AXIN2: variants seen among roughly 807,000 people sequenced by gnomAD.
The protein encoded by AXIN2 is axin 2.
A neutral mutation model predicts 74.7 loss-of-function variants in AXIN2; 21 were observed. The ratio of observed to expected loss-of-function variants is 0.28; its 90% CI spans 0.20 to 0.40. AXIN2 has a LOEUF of 0.40. Among genes scored for constraint, AXIN2 ranks in the 10% least tolerant of loss-of-function variants. The probability of loss-of-function intolerance (pLI) is 1.00; values close to 1 mark genes in which losing one functional copy is unlikely to be tolerated. For missense variants in AXIN2, 1,144 were observed against 1,111.1 expected (o/e 1.03, Z -0.42); for synonymous variants, 532 against 454.9 (o/e 1.17, Z -2.16).
intron 5 of AXIN2, 111 bp from the exon 6 acceptor site, chr17:65,537,946 G>C (rs1464261472): frequency 1.4e-6 from 2 of 1,422,730 alleles, no homozygotes; most frequent in African/African-American, 2.8e-5. Context: ...CCGTGTGCAC[G>C]CCCACAGCCA....
chr17:65,544,799 A>G (rs928952494), intron 3 of AXIN2, among the ~76,000 whole-genome samples: 3 of 152,138 alleles, frequency 2.0e-5, no homozygotes, highest in African/African-American at 7.2e-5. Flanking sequence ...GAGCCGAGCC[A>G]ATTAGCTTAG....
intron 2 of AXIN2, among the ~76,000 whole-genome samples, chr17:65,551,309 AAAAGGGAAAG>A (rs2044190175): frequency 3.0e-3 from 1 of 334 alleles, no homozygotes; most frequent in South Asian, 0.17. Flanking sequence ...GTAAAGGGAA[AAAAGGGAAAG>A]GTAGCGAAAA....
chr17:65,555,589 C>T lies in AXIN2; in HGVS notation c.815+2217G>A, dbSNP rs190176893. ...TTGCGGCGGTTCAAAACGTTTCTCT[C>T]TACAAAAGGCTTTCATGTTTATTAT... On this transcript the variant is annotated intron_variant, in intron 2 of 10. Coordinates refer to ENST00000307078, the MANE Select transcript of AXIN2 (RefSeq NM_004655.4). 2.4e-3 allele frequency among the ~76,000 whole-genome samples: 373 copies of T among 152,262 alleles called. 2 individuals are homozygous for T. The highest frequency in any genetic ancestry group is 8.8e-3 in the African/African-American group (365 of 41,532).
At position 65,534,024 on chromosome 17, in the gene AXIN2, C is replaced by A; in HGVS notation, c.2293G>T (p.Val765Phe). ...TCCCCACAGAAAAAGTAAGTGACAA[C>A]CAACTCACTGGCCTGGAGCGCGTGG... ...GVHALQASEL[V>F]VTYFFCGEEI... is the part of the protein sequence containing the mutation. The change falls in exon 10 of 11, where the codon GTT (valine) becomes TTT (phenylalanine). Residue 765 changes from valine to phenylalanine, a missense_variant. This residue lies in a region of AXIN2 where 1,053 missense variants were observed against 973.5 expected (regional missense o/e 1.08). Transcript: ENST00000307078. 6.2e-7 allele frequency: 1 copy of A among 1,614,236 alleles called. No individual in the cohort carries two copies. Among genetic ancestry groups the A allele is most frequent in the Non-Finnish European group, 8.5e-7 (1 of 1,180,036 alleles).
chr17:65,538,098 A>ACGCGCATGCGCATGCAC, intron 5 of AXIN2, 105 bp downstream of exon 5: 1 of 1,565,726 alleles, frequency 6.4e-7, no homozygotes, highest in Non-Finnish European at 8.7e-7. Flanking sequence ...TGCGCATGCA[A>ACGCGCATGCGCATGCAC]CCCACGCACA....
At chr17:65,546,140 G>A (rs2044115446) in intron 3 of AXIN2, among the ~76,000 whole-genome samples, 1 of 149,232 alleles carries the variant, frequency 6.7e-6, no homozygotes, top group Non-Finnish European at 1.5e-5. Flanking sequence ...TGGCCATTGT[G>A]ACGGGAGAAA....
At chr17:65,555,254 G>A (rs1281093385) in intron 2 of AXIN2, among the ~76,000 whole-genome samples, 1 of 152,146 alleles carries the variant, frequency 6.6e-6, no homozygotes, top group Non-Finnish European at 1.5e-5. Context: ...CAGCAGCACT[G>A]ACGTTTCTGT....
rs1209692513 is a variant in AXIN2 at position 65,535,560 on chromosome 17, G to A, written c.2237+66C>T. On this transcript the variant is annotated intron_variant, in intron 9 of 10. Coordinates refer to ENST00000307078, the MANE Select transcript of AXIN2 (RefSeq NM_004655.4). ...AAAGTTTCATGAAAATGAAACTCCA[G>A]ATAGCGAATATTCTGAAACATAAAG... is the stretch of plus-strand genomic sequence containing the variant. 4.3e-5 allele frequency: 64 copies of A among 1,492,674 alleles called. No individual in the cohort carries two copies. In the Admixed American group the frequency reaches 9.3e-4, roughly 22 times the overall value. The allele number at this position is 1,492,674 out of a possible 1,614,324, so 92.5% of individuals were successfully genotyped here.
In AXIN2 at chr17:65,549,508, C is replaced by G. The variant is rs2144537170; in HGVS notation, c.956+12G>C. 1 of 1,612,352 alleles carries G rather than the reference C, an allele frequency of 6.2e-7. No individual in the cohort carries two copies. The highest frequency in any genetic ancestry group is 8.5e-7 in the Non-Finnish European group (1 of 1,179,370). On this transcript the variant is annotated intron_variant, in intron 3 of 10. Coordinates refer to ENST00000307078, the MANE Select transcript of AXIN2 (RefSeq NM_004655.4). Reference sequence around the variant, plus strand: ...CCAAGCAAGCCCACGGAAGGGTGGCCAGGATACTCACACACTGCTGTCCGT... The same window carrying G: ...CCAAGCAAGCCCACGGAAGGGTGGCGAGGATACTCACACACTGCTGTCCGT...
Position 65,558,102 on chromosome 17 carries a change from C to T in AXIN2, c.519G>A (p.Gln173=). The stretch of plus-strand genomic sequence containing the variant: ...TCACCGACTGGATCTCGGTCTGCGC[C>T]TGGTCAAACATGATGGAATCAATCT... ...KQQIDSIMFD[Q]AQTEIQSVME... The change falls in exon 2 of 11, where the codon CAG becomes CAA. Residue 173 remains glutamine, a synonymous_variant. Coordinates refer to ENST00000307078, the MANE Select transcript of AXIN2 (RefSeq NM_004655.4). The T allele has an allele frequency of 6.2e-7, 1 of 1,614,114 alleles. No individual in the cohort carries two copies. The highest frequency in any genetic ancestry group is 8.5e-7 in the Non-Finnish European group (1 of 1,180,034).
rs753824435 is a variant in AXIN2 at position 65,537,062 on chromosome 17, C to T, written c.1714G>A (p.Gly572Ser). 5.9e-5 allele frequency: 94 copies of T among 1,603,018 alleles called. No homozygotes were observed. Among genetic ancestry groups the T allele is most frequent in the Non-Finnish European group, 7.1e-5 (84 of 1,178,946 alleles). Residue 572 changes from glycine (G) to serine (S), a missense_variant and splice_region_variant, in exon 7 of 11, where the codon GGC becomes AGC. This residue lies in a region of AXIN2 where 1,053 missense variants were observed against 973.5 expected (regional missense o/e 1.08). Coordinates refer to ENST00000307078, the MANE Select transcript of AXIN2 (RefSeq NM_004655.4). The part of the protein sequence containing the change: ...PETMPSEQFG[G>S]SRGSTLPKRN... ...TTGGGCAAGGTACTGCCTCTGCTGC[C>T]GCTGTGGGGAACCAAGAACCACACC...
Position 65,558,000 on chromosome 17 carries a change from T to G in AXIN2, c.621A>C (p.Thr207=), listed in dbSNP as rs758210481. The change falls in exon 2 of 11, where the codon ACA becomes ACC. Residue 207 remains threonine, a synonymous_variant. Coordinates refer to ENST00000307078, the MANE Select transcript of AXIN2 (RefSeq NM_004655.4). ...CGAGTCCCCCATTACTCATGTAAGC[T>G]GTGTTTTCTCCCCCACTCCTCACAT... is the stretch of plus-strand genomic sequence containing the variant. ...LEYVRSGGEN[T]AYMSNGGLGS... is the part of the protein sequence containing the mutation. 6.2e-7 allele frequency: 1 copy of G among 1,614,194 alleles called. No individual in the cohort carries two copies. Among genetic ancestry groups the G allele is most frequent in the South Asian group, 1.1e-5 (1 of 91,086 alleles).
At chr17:65,549,018 G>T (rs913375891) in intron 3 of AXIN2, among the ~76,000 whole-genome samples, 21 of 152,136 alleles carry the variant, frequency 1.4e-4, no homozygotes, top group African/African-American at 5.1e-4. Context: ...ACACACTGTG[G>T]CTCTTTAGAG....
At chr17:65,534,191 G>A in intron 9 of AXIN2, 112 bp from the exon 10 acceptor site, 24 of 1,362,210 alleles carry the variant, frequency 1.8e-5, no homozygotes, top group Non-Finnish European at 2.5e-5. Context: ...AAACACTAGG[G>A]CTGCAATTGT....
chr17:65,539,496 G>A (rs898574574), intron 4 of AXIN2, among the ~76,000 whole-genome samples: 2 of 152,172 alleles, frequency 1.3e-5, no homozygotes, highest in African/African-American at 4.8e-5. Context: ...AAGCTTGGGC[G>A]ATAGAACTTT....
intron 3 of AXIN2, among the ~76,000 whole-genome samples, chr17:65,546,624 C>T (rs76613680): frequency 0.038 from 5,843 of 152,258 alleles, 154 homozygotes; most frequent in South Asian, 0.1. Context: ...ACAGTGACCC[C>T]ACATGGATGC....
At chr17:65,558,935 T>G (rs555209036) in intron 1 of AXIN2, among the ~76,000 whole-genome samples, 199 bp from the exon 2 acceptor site, 32 of 151,174 alleles carry the variant, frequency 2.1e-4, no homozygotes, top group Non-Finnish European at 3.5e-4. Flanking sequence ...CTGAGCTCCC[T>G]GCACACTTTT....
intron 1 of AXIN2, among the ~76,000 whole-genome samples, chr17:65,559,151 C>T (rs1207591949): frequency 6.6e-6 from 1 of 152,068 alleles, no homozygotes; most frequent in Non-Finnish European, 1.5e-5. Context: ...CAAAAAGGCG[C>T]ACTCCCAGCC....
chr17:65,533,842 C>G, intron 10 of AXIN2, 70 bp downstream of exon 10: 1 of 1,367,106 alleles, frequency 7.3e-7, no homozygotes, highest in South Asian at 1.2e-5. Flanking sequence ...GCCAGGGGAG[C>G]TGCTCCAGGC....
Sources: allele counts gnomAD v4.1 joint callset (sites outside exome capture counted in the v4.1 genomes callset), GRCh38; gene constraint gnomAD v4.1.1; regional missense constraint gnomAD v4.1.1; transcripts MANE v1.5; gene names NCBI Gene and HGNC (gene_info 2026-07-23, HGNC 2026-07-21).